Variants in PTPRU observed in about 807,000 individuals in gnomAD.
The protein encoded by PTPRU is protein tyrosine phosphatase receptor type U, also known as receptor-type tyrosine-protein phosphatase U.
In PTPRU, 69 loss-of-function variants were observed where a neutral mutation model predicts 166.3. The observed-to-expected ratio is 0.41, with a 90% CI of 0.34 to 0.51. PTPRU has a LOEUF of 0.51. Among genes scored for constraint, PTPRU ranks in the 20% least tolerant of loss-of-function variants. The pLI is 0.09. For synonymous variants in PTPRU, 793 were observed against 814.0 expected (o/e 0.97, Z 0.44); for missense variants, 1,657 against 2,013.7 (o/e 0.82, Z 3.39).
At chr1:29,313,737 C>T (rs34426582) in intron 22 of PTPRU, among the ~76,000 whole-genome samples, 2 of 152,038 alleles carry the variant, frequency 1.3e-5, no homozygotes, top group Non-Finnish European at 2.9e-5. Context: ...AGCCTGTAGT[C>T]CCAGCTACCT....
At chr1:29,253,290 T>C (rs1684635234) in intron 1 of PTPRU, among the ~76,000 whole-genome samples, 1 of 152,166 alleles carries the variant, frequency 6.6e-6, no homozygotes, top group African/African-American at 2.4e-5. Context: ...ATAAGCATGA[T>C]GGACAAATGT....
chr1:29,324,784 C>T (rs1688326966), intron 28 of PTPRU, among the ~76,000 whole-genome samples: 1 of 152,156 alleles, frequency 6.6e-6, no homozygotes. Flanking sequence ...GGTTCCCTAG[C>T]CCCGCCCCTT....
At chr1:29,264,211 A>G (rs1437611762) in intron 7 of PTPRU, among the ~76,000 whole-genome samples, 2 of 151,558 alleles carry the variant, frequency 1.3e-5, no homozygotes, top group Non-Finnish European at 2.9e-5. Flanking sequence ...TCTGGACACT[A>G]GATGCTTATC....
intron 15 of PTPRU, among the ~76,000 whole-genome samples, chr1:29,295,210 ATTT>A (rs879660271): frequency 7.1e-6 from 1 of 140,664 alleles, no homozygotes; most frequent in Admixed American, 7.1e-5. Flanking sequence ...TAATCTTTGC[ATTT>A]TTTTTTTTTT....
rs192856191 is a variant in PTPRU at position 29,244,617 on chromosome 1, A to G, written c.73+7900A>G. Among the ~76,000 whole-genome samples, 103 of 152,204 alleles carry G rather than the reference A, an allele frequency of 6.8e-4. 1 individual carries two copies. The highest frequency in any genetic ancestry group is 2.4e-3 in the African/African-American group (98 of 41,514). ...TGTGTTTGTCTAGCGTGTGGTGGTT[A>G]AGAGCATGGGTTCAGGGCCCAGACC... On this transcript the variant is annotated intron_variant, in intron 1 of 29. Transcript: ENST00000373779.
At position 29,259,965 on chromosome 1, in the gene PTPRU, C is replaced by G; in HGVS notation, c.771C>G (p.Ala257=). 4.5e-6 allele frequency: 7 copies of G among 1,548,948 alleles called. No homozygotes were observed. Among genetic ancestry groups the G allele is most frequent in the Middle Eastern group, 1.9e-4 (1 of 5,334 alleles). ...TCCCGCTGGCTGCCGTGAGCCGCGC[C>G]GAGCAGGACCTGTACCGCTGTGTGT... ...ATFPLAAVSR[A]EQDLYRCVSQ... Residue 257 remains alanine, a synonymous_variant, in exon 6 of 30, where the codon GCC becomes GCG. Coordinates refer to ENST00000373779, the MANE Select transcript of PTPRU (RefSeq NM_133178.4).
chr1:29,276,057 G>T (rs773885992), intron 8 of PTPRU, among the ~76,000 whole-genome samples: 4 of 152,116 alleles, frequency 2.6e-5, no homozygotes, highest in Non-Finnish European at 5.9e-5. Flanking sequence ...GGGATATTCA[G>T]ATTTTTTTAT....
Position 29,311,113 on chromosome 1 carries a change from G to T in PTPRU, c.2857+333G>T, listed in dbSNP as rs955767369. Among the ~76,000 whole-genome samples the T allele has an allele frequency of 6.6e-6, 1 of 152,164 alleles. No homozygotes were observed. The highest frequency in any genetic ancestry group is 2.4e-5 in the African/African-American group (1 of 41,440). On this transcript the variant is annotated intron_variant, in intron 19 of 29. Transcript: ENST00000373779. This position sits in a 1 kb window ranked among gnomAD's most constrained non-coding sequence, Gnocchi z 4.1. ...CTCATGGGTGTGGGTTGGGCCTCTC[G>T]GTCTGGTGGCTGCCTGGATTCTTCT... is the stretch of plus-strand genomic sequence containing the variant.
At position 29,257,505 on chromosome 1, in the gene PTPRU, T is replaced by TC. The variant is rs1684825716; in HGVS notation, c.206-994dup. 6.6e-6 allele frequency among the ~76,000 whole-genome samples: 1 copy of TC among 151,726 alleles called. No homozygotes were observed. Among genetic ancestry groups the TC allele is most frequent in the Admixed American group, 6.6e-5 (1 of 15,242 alleles). ...TCGGGTGCCCTTTGGGAAGCCCAAA[T>TC]CCCCCCGCCAGGTCCTGAGCCAGCC... On this transcript the variant is annotated intron_variant, in intron 2 of 29. Transcript: ENST00000373779. The surrounding 1 kb of genome is among the most constrained non-coding windows in gnomAD (Gnocchi z 4.6).
chr1:29,317,608 C>A lies in PTPRU; in HGVS notation c.3514-140C>A. The A allele has an allele frequency of 2.0e-6, 2 of 998,828 alleles. No individual in the cohort carries two copies. Among genetic ancestry groups the A allele is most frequent in the Non-Finnish European group, 2.9e-6 (2 of 690,546 alleles). 61.9% of individuals were successfully genotyped at this position (998,828 alleles called of 1,614,324 possible). A position where few individuals can be genotyped will look rare whatever the true frequency, so the allele number is the denominator to read the frequency against. The stretch of plus-strand genomic sequence containing the variant: ...AGAGACAGGGAGTCTGGCTCCGTGC[C>A]CTGTACCCTTCTCTCTGGACCTCAG... On this transcript the variant is annotated intron_variant, in intron 24 of 29. Coordinates refer to ENST00000373779, the MANE Select transcript of PTPRU (RefSeq NM_133178.4). This position sits in a 1 kb window ranked among gnomAD's most constrained non-coding sequence, Gnocchi z 5.6.
chr1:29,277,803 C>CCTTTTT (rs1685874782), intron 8 of PTPRU, among the ~76,000 whole-genome samples: 2 of 50,566 alleles, frequency 4.0e-5, no homozygotes, highest in Non-Finnish European at 6.6e-5. Context: ...AGTTGTCATT[C>CCTTTTT]TTTTTTTTTT....
At position 29,260,141 on chromosome 1, in the gene PTPRU, G is replaced by T. The variant is rs1053183529; in HGVS notation, c.850+97G>T. The T allele has an allele frequency of 1.0e-4, 123 of 1,196,622 alleles. 1 individual carries two copies. Among genetic ancestry groups the T allele is most frequent in the Non-Finnish European group, 1.2e-4 (113 of 928,218 alleles). 74.1% of individuals were successfully genotyped at this position (1,196,622 alleles called of 1,614,324 possible). A position where few individuals can be genotyped will look rare whatever the true frequency, so the allele number is the denominator to read the frequency against. On this transcript the variant is annotated intron_variant, in intron 6 of 29. Transcript: ENST00000373779. The surrounding 1 kb of genome is among the most constrained non-coding windows in gnomAD (Gnocchi z 8.3). ...CTGCCCGGGGGCGTGGCCGTGGGGG[G>T]TGGGGCCGGCAGGGTGTCGCTGGGG... is the stretch of plus-strand genomic sequence containing the variant.
In PTPRU at chr1:29,275,706, C is replaced by G; in HGVS notation, c.1403C>G (p.Pro468Arg). The G allele has an allele frequency of 6.2e-7, 1 of 1,614,202 alleles. No individual in the cohort carries two copies. The highest frequency in any genetic ancestry group is 8.5e-7 in the Non-Finnish European group (1 of 1,180,038). Reference protein sequence around the residue: ...NVHVRLVLTNPEGRKEGKEVT... With the variant: ...NVHVRLVLTNREGRKEGKEVT... ...CACGTGAGGCTTGTCCTCACTAACC[C>G]TGAGGGGCGCAAAGAGGGCAAGGAG... The change falls in exon 8 of 30, where the codon CCT becomes CGT. Residue 468 changes from proline to arginine, a missense_variant. This residue lies in a region of PTPRU where 1,190 missense variants were observed against 1,477.4 expected (regional missense o/e 0.81). Coordinates refer to ENST00000373779, the MANE Select transcript of PTPRU (RefSeq NM_133178.4).
At position 29,311,629 on chromosome 1, in the gene PTPRU, T is replaced by C; in HGVS notation, c.2956-14T>C. 1.2e-6 allele frequency: 2 copies of C among 1,613,962 alleles called. No individual in the cohort carries two copies. Among genetic ancestry groups the C allele is most frequent in the Non-Finnish European group, 1.7e-6 (2 of 1,179,836 alleles). On this transcript the variant is annotated splice_polypyrimidine_tract_variant and intron_variant, in intron 20 of 29. Transcript: ENST00000373779. The surrounding 1 kb of genome is among the most constrained non-coding windows in gnomAD (Gnocchi z 4.1). ...GCAAAGAGCCCACTGAGTCCCGTCC[T>C]GTGGGGCCTCTAGGTGAAATGCTCA...
Position 29,284,774 on chromosome 1 carries a change from A to G in PTPRU, c.2223A>G (p.Arg741=), listed in dbSNP as rs757903277. 6.2e-7 allele frequency: 1 copy of G among 1,614,000 alleles called. No homozygotes were observed. The change falls in exon 14 of 30, where the codon AGA becomes AGG. Residue 741 remains arginine (R), a synonymous_variant. Transcript: ENST00000373779. The part of the protein sequence containing the change: ...ESKRPLEVSQ[R]SEEMGLILGI... ...AGCGGCCCCTGGAGGTGTCCCAGAG[A>G]TCGGAGGAGATGGGGCTTATCCTGG... is the stretch of plus-strand genomic sequence containing the variant.
At chr1:29,316,949 G>A (rs1420010825) in intron 24 of PTPRU, among the ~76,000 whole-genome samples, 1 of 152,080 alleles carries the variant, frequency 6.6e-6, no homozygotes, top group African/African-American at 2.4e-5. Flanking sequence ...GCCTGAGAGC[G>A]ATCACTGGGT....
chr1:29,260,989 C>A lies in PTPRU; in HGVS notation c.1144+86C>A, dbSNP rs1298580924. Reference sequence around the variant, plus strand: ...CATTCGAGAGGTAGCGTGGCCTGTGCTTGTAAACCTTTCTAAAACATTGTG... The same window carrying A: ...CATTCGAGAGGTAGCGTGGCCTGTGATTGTAAACCTTTCTAAAACATTGTG... On this transcript the variant is annotated intron_variant, in intron 7 of 29. Transcript: ENST00000373779. The surrounding 1 kb of genome is among the most constrained non-coding windows in gnomAD (Gnocchi z 8.3). The A allele has an allele frequency of 1.5e-6, 2 of 1,349,170 alleles. No individual in the cohort carries two copies. Among genetic ancestry groups the A allele is most frequent in the East Asian group, 2.8e-5 (1 of 35,848 alleles). The allele number at this position is 1,349,170 out of a possible 1,614,324, so 83.6% of individuals were successfully genotyped here. A position where few individuals can be genotyped will look rare whatever the true frequency, so the allele number is the denominator to read the frequency against.
intron 18 of PTPRU, chr1:29,307,040 C>T: frequency 6.9e-7 from 1 of 1,455,482 alleles, no homozygotes; most frequent in Non-Finnish European, 9.6e-7. Context: ...CCCATTCTGG[C>T]CACTCCTGTG....
In PTPRU at chr1:29,260,087, AGGGGCGGGGCCGGCGACG is replaced by A. The variant is rs1684982256; in HGVS notation, c.850+52_850+69del. Reference sequence around the variant, plus strand: ...GGGGAGCGCCGGGACCTCACCCTCGAGGGGCGGGGCCGGCGACGGGGGCGGGCTCTGCCCGGGGGCGTG... The same window carrying A: ...GGGGAGCGCCGGGACCTCACCCTCGAGGGGCGGGCTCTGCCCGGGGGCGTG... On this transcript the variant is annotated intron_variant, in intron 6 of 29. Coordinates refer to ENST00000373779, the MANE Select transcript of PTPRU (RefSeq NM_133178.4). This position sits in a 1 kb window ranked among gnomAD's most constrained non-coding sequence, Gnocchi z 8.3. 1 of 987,964 alleles carries A rather than the reference AGGGGCGGGGCCGGCGACG, an allele frequency of 1.0e-6. No individual in the cohort carries two copies. 61.2% of individuals were successfully genotyped at this position (987,964 alleles called of 1,614,324 possible). A position where few individuals can be genotyped will look rare whatever the true frequency, so the allele number is the denominator to read the frequency against.
Sources: gnomAD v4.1 joint callset for allele counts (sites outside exome capture counted in the v4.1 genomes callset) on GRCh38, gnomAD v4.1.1 for gene constraint, gnomAD v4.1.1 regional missense constraint, Gnocchi (gnomAD v3.1) non-coding constraint, MANE v1.5 for transcripts, NCBI Gene and HGNC (gene_info 2026-07-23, HGNC 2026-07-21) for gene names.